The following RAD51B variants were observed in gnomAD, a reference collection of about 807,000 sequenced individuals.
RAD51B encodes DNA repair protein RAD51 homolog 2.
RAD51B carries 38 observed loss-of-function variants against 42.2 expected under a neutral mutation model. The observed-to-expected ratio is 0.90, with a 90% CI of 0.70 to 1.18. RAD51B has a LOEUF of 1.18. Ranked by LOEUF, RAD51B falls within the 50% of genes most tolerant of loss-of-function variation. The probability of loss-of-function intolerance (pLI) is 0.00; values close to 1 mark genes in which losing one functional copy is unlikely to be tolerated. For missense variants in RAD51B, 373 were observed against 400.7 expected (o/e 0.93, Z 0.59); for synonymous variants, 154 against 145.2 (o/e 1.06, Z -0.43).
chr14:68,272,905 C>G (rs992441356), intron 7 of RAD51B, among the ~76,000 whole-genome samples: 4 of 150,620 alleles, frequency 2.7e-5, no homozygotes, highest in Admixed American at 6.6e-5. Flanking sequence ...AGGATGGTCT[C>G]GATCTCTTGA....
intron 8 of RAD51B, among the ~76,000 whole-genome samples, chr14:68,350,372 C>T (rs569065985): frequency 6.6e-6 from 1 of 152,338 alleles, no homozygotes; most frequent in African/African-American, 2.4e-5. Flanking sequence ...ACAGTTTTGA[C>T]TTTCATGCTT....
intron 7 of RAD51B, among the ~76,000 whole-genome samples, chr14:68,143,026 G>A (rs1381321328): frequency 6.6e-6 from 1 of 151,564 alleles, no homozygotes; most frequent in African/African-American, 2.4e-5. Context: ...GGGGTGGGGG[G>A]GGAGTTATTA....
At chr14:67,928,514 C>G (rs2044608716) in intron 7 of RAD51B, among the ~76,000 whole-genome samples, 1 of 151,890 alleles carries the variant, frequency 6.6e-6, no homozygotes, top group Non-Finnish European at 1.5e-5. Flanking sequence ...TTCATGTGGC[C>G]CGTGAAAAAC....
chr14:68,256,588 G>A (rs186627831), intron 7 of RAD51B, among the ~76,000 whole-genome samples: 1 of 152,242 alleles, frequency 6.6e-6, no homozygotes, highest in East Asian at 1.9e-4. Flanking sequence ...ACACTGCTTG[G>A]TTGATCTGTC....
chr14:68,412,930 T>C (rs146469507), intron 9 of RAD51B, among the ~76,000 whole-genome samples: 3 of 152,344 alleles, frequency 2.0e-5, no homozygotes, highest in African/African-American at 7.2e-5. Flanking sequence ...CAAAATTCCT[T>C]GTGAATCAAT....
At chr14:68,663,097 T>G (rs1892966179) in intron 11 of RAD51B, among the ~76,000 whole-genome samples, 1 of 152,142 alleles carries the variant, frequency 6.6e-6, no homozygotes, top group African/African-American at 2.4e-5. Flanking sequence ...GGTCCGGAGT[T>G]TGAGACCAGC....
At position 68,263,499 on chromosome 14, in the gene RAD51B, T is replaced by G. The variant is rs147832431; in HGVS notation, c.757-28385T>G. On this transcript the variant is annotated intron_variant, in intron 7 of 10. Coordinates refer to ENST00000471583, the MANE Select transcript of RAD51B (RefSeq NM_133510.4). The stretch of plus-strand genomic sequence containing the variant: ...AAGGTCTTAGAACTTAAATCTGATT[T>G]TATAATAATATTCATTATCAATACT... Among the ~76,000 whole-genome samples the G allele has an allele frequency of 3.9e-3, 597 of 152,320 alleles. 2 individuals carry two copies. The highest frequency in any genetic ancestry group is 0.014 in the African/African-American group (575 of 41,564).
chr14:68,312,532 C>T (rs2081983883), intron 8 of RAD51B, among the ~76,000 whole-genome samples: 1 of 151,964 alleles, frequency 6.6e-6, no homozygotes, highest in Admixed American at 6.5e-5. Context: ...CCCTTTTTTT[C>T]CCTGAACAAA....
chr14:67,822,071 G>A (rs1464024150), intron 1 of RAD51B: 1 of 152,010 alleles, frequency 6.6e-6, no homozygotes, highest in African/African-American at 2.4e-5. Context: ...TTTGGGCCAT[G>A]GTATTGGAAA....
At chr14:67,903,501 GAT>G (rs902615333) in intron 7 of RAD51B, among the ~76,000 whole-genome samples, 11 of 152,138 alleles carry the variant, frequency 7.2e-5, no homozygotes, top group African/African-American at 2.4e-4. Flanking sequence ...TTTTTAAAAA[GAT>G]CAACATTATA....
intron 7 of RAD51B, among the ~76,000 whole-genome samples, chr14:67,988,390 C>T (rs757036212): frequency 5.3e-5 from 8 of 151,878 alleles, no homozygotes; most frequent in Admixed American, 3.3e-4. Context: ...ACATGGTAAG[C>T]GGAAGTTGCA....
chr14:68,644,637 A>G (rs1892529080), intron 10 of RAD51B, among the ~76,000 whole-genome samples: 1 of 152,184 alleles, frequency 6.6e-6, no homozygotes, highest in South Asian at 2.1e-4. Flanking sequence ...ATGTGAGAAG[A>G]AGTGGAATCT....
intron 7 of RAD51B, among the ~76,000 whole-genome samples, chr14:68,104,028 G>GAGGTAACCTCCTTCA: frequency 6.6e-6 from 1 of 152,276 alleles, no homozygotes; most frequent in Admixed American, 6.5e-5. Flanking sequence ...CAGAAGAGCT[G>GAGGTAACCTCCTTCA]AGGTAACCTC....
intron 7 of RAD51B, among the ~76,000 whole-genome samples, chr14:68,214,257 C>T (rs2079769174): frequency 6.6e-6 from 1 of 152,114 alleles, no homozygotes; most frequent in Non-Finnish European, 1.5e-5. Flanking sequence ...TTTTGGTATC[C>T]TTGAAGTGGG....
chr14:68,516,165 C>G (rs1381700653), intron 10 of RAD51B, among the ~76,000 whole-genome samples: 1 of 152,052 alleles, frequency 6.6e-6, no homozygotes, highest in African/African-American at 2.4e-5. Context: ...GGATACTTTG[C>G]TATACAGCAA....
chr14:68,515,656 AGGC>A (rs1466853503), intron 10 of RAD51B, among the ~76,000 whole-genome samples: 2 of 150,166 alleles, frequency 1.3e-5, no homozygotes, highest in African/African-American at 4.9e-5. Context: ...TATGTTGCCC[AGGC>A]TTGTTTTAAA....
chr14:67,868,568 C>T (rs1470511331), intron 5 of RAD51B, among the ~76,000 whole-genome samples: 1 of 152,248 alleles, frequency 6.6e-6, no homozygotes, highest in Non-Finnish European at 1.5e-5. Flanking sequence ...GAAGCTCGAA[C>T]TGGGTGGAGC....
intron 7 of RAD51B, among the ~76,000 whole-genome samples, chr14:67,893,500 ACACAC>A (rs1395256095): frequency 4.2e-4 from 43 of 103,550 alleles, no homozygotes; most frequent in African/African-American, 9.3e-4. Context: ...ACACACACAC[ACACAC>A]ACACAAAAAA....
intron 9 of RAD51B, among the ~76,000 whole-genome samples, chr14:68,433,708 C>T (rs989841706): frequency 3.3e-5 from 5 of 152,276 alleles, no homozygotes; most frequent in Non-Finnish European, 5.9e-5. Context: ...TCCTTTAGCT[C>T]GGAGAAGTTT....
Sources: allele counts gnomAD v4.1 joint callset (sites outside exome capture counted in the v4.1 genomes callset), GRCh38; gene constraint gnomAD v4.1.1; transcripts MANE v1.5; gene names NCBI Gene and HGNC (gene_info 2026-07-23, HGNC 2026-07-21).